Variants in PDE1A observed in about 807,000 individuals in gnomAD.
PDE1A encodes the protein phosphodiesterase 1A, also known as dual specificity calcium/calmodulin-dependent 3',5'-cyclic nucleotide phosphodiesterase 1A.
PDE1A carries 35 observed loss-of-function variants against 61.7 expected under a neutral mutation model. That is an observed-to-expected ratio of 0.57 (90% confidence interval 0.43 to 0.75). The LOEUF (loss-of-function observed/expected upper bound fraction) is 0.75, where lower values mean the gene tolerates loss of function less well. Ranked by LOEUF, PDE1A falls within the 30% of genes least tolerant of loss-of-function variation. The pLI, the probability that PDE1A is intolerant of heterozygous loss-of-function variation, is 0.00. For synonymous variants in PDE1A, 232 were observed against 213.2 expected, an observed-to-expected ratio of 1.09 and a Z score of -0.77; for missense variants, 597 against 630.6, an observed-to-expected ratio of 0.95 and a Z score of 0.57.
At chr2:182,318,760 G>T (rs1419649260) in intron 1 of PDE1A, among the ~76,000 whole-genome samples, 3 of 152,092 alleles carry the variant, frequency 2.0e-5, no homozygotes, top group Non-Finnish European at 4.4e-5. Context: ...CTAAAATTTT[G>T]CAGAACACTA....
At chr2:182,554,251 T>C in the PDE1A span, among the ~76,000 whole-genome samples, 1 of 152,232 alleles carries the variant, frequency 6.6e-6, no homozygotes, top group African/African-American at 2.4e-5. Flanking sequence ...TATTTCATAT[T>C]CCATTTTAGT....
chr2:182,400,781 T>A (rs914263835), intron 1 of PDE1A, among the ~76,000 whole-genome samples: 8 of 152,182 alleles, frequency 5.3e-5, no homozygotes, highest in African/African-American at 1.9e-4. Context: ...GAAGGACCAC[T>A]TGCTGGGGTG....
upstream of PDE1A, among the ~76,000 whole-genome samples, chr2:182,525,605 C>T (rs534335588): frequency 3.3e-5 from 5 of 152,178 alleles, no homozygotes; most frequent in South Asian, 4.2e-4. Flanking sequence ...CTTCACCTTC[C>T]GCCAAGATTG....
intron 13 of PDE1A, among the ~76,000 whole-genome samples, chr2:182,152,779 T>C (rs1244812902): frequency 6.6e-6 from 1 of 152,144 alleles, no homozygotes; most frequent in Non-Finnish European, 1.5e-5. Flanking sequence ...TGTGTTCGTT[T>C]ACTTTGCAGT....
intron 13 of PDE1A, among the ~76,000 whole-genome samples, chr2:182,170,182 C>T (rs373472991): frequency 5.9e-5 from 9 of 151,932 alleles, no homozygotes; most frequent in Non-Finnish European, 8.8e-5. Context: ...TGAAAAGCCC[C>T]GCCTTTTCAA....
chr2:182,503,462 T>C (rs1689216514), intron 2 of PDE1A, among the ~76,000 whole-genome samples: 1 of 152,136 alleles, frequency 6.6e-6, no homozygotes, highest in Admixed American at 6.5e-5. Flanking sequence ...TTGGGTCATC[T>C]GACTTCTGCC....
chr2:182,559,115 T>C, the PDE1A span, among the ~76,000 whole-genome samples: 1 of 152,212 alleles, frequency 6.6e-6, no homozygotes, highest in Admixed American at 6.5e-5. Flanking sequence ...TGACTCCTTA[T>C]ATTTGCCCAG....
downstream of PDE1A, among the ~76,000 whole-genome samples, chr2:182,164,811 T>A (rs539917675): frequency 1.2e-4 from 19 of 152,260 alleles, no homozygotes; most frequent in African/African-American, 4.1e-4. Flanking sequence ...TTGTCCTTAC[T>A]GGCATAGACA....
At chr2:182,493,648 C>G (rs1688536384) in intron 2 of PDE1A, among the ~76,000 whole-genome samples, 1 of 152,170 alleles carries the variant, frequency 6.6e-6, no homozygotes, top group Non-Finnish European at 1.5e-5. Flanking sequence ...CGGCATTATT[C>G]ACAATAGCAA....
intron 1 of PDE1A, among the ~76,000 whole-genome samples, chr2:182,402,832 A>G (rs961090082): frequency 6.6e-6 from 1 of 152,244 alleles, no homozygotes; most frequent in Non-Finnish European, 1.5e-5. Flanking sequence ...ATTTATAAGA[A>G]AAAACAAACA....
intron 2 of PDE1A, among the ~76,000 whole-genome samples, chr2:182,496,185 G>A (rs1688702103): frequency 6.6e-6 from 1 of 152,050 alleles, no homozygotes; most frequent in Admixed American, 6.5e-5. Flanking sequence ...TACACTCACT[G>A]CAGAGATATT....
chr2:182,601,792 G>C, the PDE1A span, among the ~76,000 whole-genome samples: 4 of 152,170 alleles, frequency 2.6e-5, no homozygotes, highest in Non-Finnish European at 5.9e-5. Flanking sequence ...AGAGACCCTG[G>C]AGTGGGAAGC....
At chr2:182,550,935 G>A in the PDE1A span, among the ~76,000 whole-genome samples, 1 of 151,720 alleles carries the variant, frequency 6.6e-6, no homozygotes, top group Non-Finnish European at 1.5e-5. Flanking sequence ...CAGAAACAAA[G>A]CACAAGGATA....
intron 1 of PDE1A, among the ~76,000 whole-genome samples, chr2:182,328,289 G>C (rs920122995): frequency 7.9e-5 from 12 of 152,160 alleles, no homozygotes; most frequent in Admixed American, 7.2e-4. Flanking sequence ...TATTAAGCAT[G>C]AGTTTGTTTT....
the PDE1A span, among the ~76,000 whole-genome samples, chr2:182,636,097 A>G: frequency 2.0e-5 from 3 of 151,590 alleles, no homozygotes; most frequent in Non-Finnish European, 4.4e-5. Context: ...CTGGGACTAC[A>G]GGTGCCCGCC....
intron 3 of PDE1A, among the ~76,000 whole-genome samples, chr2:182,235,483 A>G (rs547134554): frequency 4.0e-4 from 61 of 152,258 alleles, no homozygotes; most frequent in African/African-American, 1.4e-3. Flanking sequence ...ATTTTTTTCT[A>G]TCTTCTGCTG....
the PDE1A span, among the ~76,000 whole-genome samples, chr2:182,698,751 T>C: frequency 6.6e-6 from 1 of 152,244 alleles, no homozygotes; most frequent in East Asian, 1.9e-4. Flanking sequence ...AAATATTTCT[T>C]TTTAAAGCCC....
chr2:182,689,963 T>A, the PDE1A span, among the ~76,000 whole-genome samples: 1 of 152,180 alleles, frequency 6.6e-6, no homozygotes, highest in South Asian at 2.1e-4. Context: ...ACATACACCC[T>A]CCCAAGACTA....
intron 2 of PDE1A, among the ~76,000 whole-genome samples, chr2:182,500,688 AT>A: frequency 6.6e-6 from 1 of 152,332 alleles, no homozygotes. Flanking sequence ...ACATATAATT[AT>A]CCCCAAATTA....
Sources: allele counts gnomAD v4.1 joint callset (sites outside exome capture counted in the v4.1 genomes callset), GRCh38; gene constraint gnomAD v4.1.1; transcripts MANE v1.5; gene names NCBI Gene and HGNC (gene_info 2026-07-23, HGNC 2026-07-21).